ADNP: variants seen among roughly 807,000 people sequenced by gnomAD.
ADNP encodes activity-dependent neuroprotector homeobox protein.
In ADNP, 4 loss-of-function variants were observed where a neutral mutation model predicts 84.9. That is an observed-to-expected ratio of 0.05 (90% CI 0.02 to 0.11). The LOEUF (loss-of-function observed/expected upper bound fraction) is 0.11, where lower values mean the gene tolerates loss of function less well. ADNP is among the 10% of genes least tolerant of loss of function. The probability of loss-of-function intolerance (pLI) is 1.00; values close to 1 mark genes in which losing one functional copy is unlikely to be tolerated. For synonymous variants in ADNP, 554 were observed against 468.1 expected (o/e 1.18, Z -2.37); for missense variants, 1,132 against 1,326.0 (o/e 0.85, Z 2.27).
At chr20:50,906,364 C>T (rs1982478747) in intron 2 of ADNP, among the ~76,000 whole-genome samples, 2 of 152,188 alleles carry the variant, frequency 1.3e-5, no homozygotes, top group African/African-American at 4.8e-5. Flanking sequence ...ATACCTAAGA[C>T]TGGGAAGAGA....
intron 5 of ADNP, among the ~76,000 whole-genome samples, chr20:50,899,048 T>C (rs894513251): frequency 1.1e-4 from 16 of 152,250 alleles, no homozygotes; most frequent in Non-Finnish European, 1.9e-4. Flanking sequence ...GAACTGCTTA[T>C]ATGTGGATTT....
chr20:50,905,186 T>C (rs185389084), intron 2 of ADNP: 129 of 152,362 alleles, frequency 8.5e-4, no homozygotes, highest in African/African-American at 3.1e-3. Context: ...CAGTAAAACC[T>C]GGGCAGCTGA....
chr20:50,908,861 C>A (rs113561840), intron 2 of ADNP, among the ~76,000 whole-genome samples: 2,063 of 152,092 alleles, frequency 0.014, 42 homozygotes, highest in African/African-American at 0.047. Context: ...GGGGTGGGAA[C>A]AGAATAGATA....
In ADNP at chr20:50,919,289, G is replaced by GTATATATATATATATATA. The variant is rs1359779030; in HGVS notation, c.-90+9361_-90+9362insTATATATATATATATATA. ...AGCCTGAAAAAATACATATATTTAA[G>GTATATATATATATATATA]TGTATATATATATATATATATATAT... On this transcript the variant is annotated intron_variant, in intron 2 of 5. Transcript: ENST00000621696. 4.1e-3 allele frequency among the ~76,000 whole-genome samples: 263 copies of GTATATATATATATATATA among 64,506 alleles called. 1 individual carries two copies. The highest frequency in any genetic ancestry group is 0.013 in the African/African-American group (241 of 17,974). 42.3% of individuals were successfully genotyped at this position (64,506 alleles called of 152,430 possible).
At chr20:50,908,946 A>G (rs1398524476) in intron 2 of ADNP, among the ~76,000 whole-genome samples, 2 of 152,066 alleles carry the variant, frequency 1.3e-5, no homozygotes, top group Non-Finnish European at 1.5e-5. Flanking sequence ...ACTAAAATAC[A>G]GGTAATTATT....
At chr20:50,909,775 G>A (rs1013942948) in intron 2 of ADNP, 1 of 152,228 alleles carries the variant, frequency 6.6e-6, no homozygotes, top group Admixed American at 6.5e-5. Flanking sequence ...GACTCAGTTT[G>A]ACTAGTTAAG....
intron 2 of ADNP, among the ~76,000 whole-genome samples, chr20:50,921,995 A>T (rs573232385): frequency 6.6e-6 from 1 of 152,226 alleles, no homozygotes; most frequent in Non-Finnish European, 1.5e-5. Flanking sequence ...CACTGCCTAC[A>T]TAAGAACTCC....
intron 2 of ADNP, among the ~76,000 whole-genome samples, chr20:50,920,537 T>A (rs190498434): frequency 6.8e-6 from 1 of 147,584 alleles, no homozygotes; most frequent in Admixed American, 6.9e-5. Flanking sequence ...GCCACTGCAC[T>A]CCAGCCTGGA....
chr20:50,907,733 C>T (rs576365936), intron 2 of ADNP, among the ~76,000 whole-genome samples: 11 of 150,478 alleles, frequency 7.3e-5, no homozygotes, highest in Middle Eastern at 3.4e-3. Context: ...GTGCACACTA[C>T]CTAGACGCCT....
chr20:50,926,873 CTTAT>C (rs1984325788), intron 2 of ADNP, among the ~76,000 whole-genome samples: 1 of 152,180 alleles, frequency 6.6e-6, no homozygotes, highest in African/African-American at 2.4e-5. Context: ...CTTTATCTTC[CTTAT>C]TAAGTTGCAA....
In ADNP at chr20:50,891,734, C is replaced by G; in HGVS notation, c.2980G>C (p.Gly994Arg). The change falls in exon 6 of 6, where the codon GGA becomes CGA. Residue 994 changes from glycine to arginine, a missense_variant. Around this residue, in one of 10 missense-constraint regions of ADNP, gnomAD observed 381 missense variants for 319.9 expected, o/e 1.19. Transcript: ENST00000621696. ...FEDNTCEMKPGTWSDESSQSE... is the reference protein window; with the variant it reads ...FEDNTCEMKPRTWSDESSQSE... The stretch of plus-strand genomic sequence containing the variant: ...TGGGAAGACTCGTCAGACCAGGTTC[C>G]TGGTTTCATTTCGCAGGTATTGTCC... 6.2e-7 allele frequency: 1 copy of G among 1,614,182 alleles called. No homozygotes were observed. Among genetic ancestry groups the G allele is most frequent in the Non-Finnish European group, 8.5e-7 (1 of 1,180,028 alleles).
At chr20:50,914,841 G>A (rs1340515348) in intron 2 of ADNP, among the ~76,000 whole-genome samples, 2 of 152,202 alleles carry the variant, frequency 1.3e-5, no homozygotes, top group African/African-American at 4.8e-5. Flanking sequence ...GCCTATGCCA[G>A]ACAGTTGTTT....
chr20:50,894,057 ACTC>A lies in ADNP; in HGVS notation c.654_656del (p.Glu218_Ser219delinsAsp). The stretch of plus-strand genomic sequence containing the variant: ...AAAGGCATCGCTTGCAGTGAATACT[ACTC>A]TCTTCTCGGGCATTCGAGCCTAAGG... On this transcript the variant is annotated inframe_deletion, in exon 6 of 6. Coordinates refer to ENST00000621696, the MANE Select transcript of ADNP (RefSeq NM_001282531.3). 6.2e-7 allele frequency: 1 copy of A among 1,613,934 alleles called. No homozygotes were observed. The highest frequency in any genetic ancestry group is 8.5e-7 in the Non-Finnish European group (1 of 1,179,964).
rs1014546816 is a variant in ADNP, at chr20:50,891,729, G to A, written c.2985C>T (p.Thr995=). The A allele has an allele frequency of 1.9e-6, 3 of 1,614,198 alleles. No homozygotes were observed. Among genetic ancestry groups the A allele is most frequent in the Admixed American group, 3.3e-5 (2 of 60,024 alleles). ...EDNTCEMKPG[T]WSDESSQSED... The stretch of plus-strand genomic sequence containing the variant: ...CGCTTTGGGAAGACTCGTCAGACCA[G>A]GTTCCTGGTTTCATTTCGCAGGTAT... The change falls in exon 6 of 6, where the codon ACC becomes ACT. Residue 995 remains threonine (T), a synonymous_variant. Coordinates refer to ENST00000621696, the MANE Select transcript of ADNP (RefSeq NM_001282531.3).
intron 2 of ADNP, among the ~76,000 whole-genome samples, chr20:50,917,008 A>T (rs536354721): frequency 1.4e-3 from 216 of 152,334 alleles, no homozygotes; most frequent in African/African-American, 4.9e-3. Flanking sequence ...AGAACCTAGG[A>T]GCTGCCTAAT....
intron 2 of ADNP, among the ~76,000 whole-genome samples, chr20:50,906,963 G>GTTTTTTTTT (rs751919326): frequency 8.4e-6 from 1 of 119,222 alleles, no homozygotes; most frequent in African/African-American, 3.2e-5. Context: ...CAGGGTTCCA[G>GTTTTTTTTT]TTTTTTTTTT....
At chr20:50,899,289 C>T (rs936077844) in intron 5 of ADNP, among the ~76,000 whole-genome samples, 1 of 151,848 alleles carries the variant, frequency 6.6e-6, no homozygotes, top group African/African-American at 2.4e-5. Context: ...CTCCACCTCC[C>T]AGGTTCAAGC....
intron 5 of ADNP, among the ~76,000 whole-genome samples, chr20:50,897,104 A>G (rs1369757021): frequency 6.6e-6 from 1 of 151,810 alleles, no homozygotes; most frequent in Non-Finnish European, 1.5e-5. Context: ...ACGCCCGGCT[A>G]ATTTTTTTGT....
chr20:50,919,876 TG>T (rs530255024), intron 2 of ADNP, among the ~76,000 whole-genome samples: 130 of 152,114 alleles, frequency 8.5e-4, no homozygotes, highest in African/African-American at 3.1e-3. Flanking sequence ...GAGGATAGGA[TG>T]GGGATCTTGA....
Sources: allele counts gnomAD v4.1 joint callset (sites outside exome capture counted in the v4.1 genomes callset), GRCh38; gene constraint gnomAD v4.1.1; regional missense constraint gnomAD v4.1.1; transcripts MANE v1.5; gene names NCBI Gene and HGNC (gene_info 2026-07-23, HGNC 2026-07-21).